The following ASCC3 variants were observed in gnomAD, a reference collection of about 807,000 sequenced individuals.
ASCC3 encodes the protein activating signal cointegrator 1 complex subunit 3.
ASCC3 carries 158 observed loss-of-function variants against 256.3 expected under a neutral mutation model. The ratio of observed to expected loss-of-function variants is 0.62; its 90% confidence interval spans 0.54 to 0.70. The LOEUF is 0.70. Among genes scored for constraint, ASCC3 ranks in the 30% least tolerant of loss-of-function variants. The probability of loss-of-function intolerance (pLI) is 0.00; values close to 1 mark genes in which losing one functional copy is unlikely to be tolerated. For missense variants in ASCC3, 2,259 were observed against 2,626.0 expected, an observed-to-expected ratio of 0.86 and a Z score of 3.05; for synonymous variants, 948 against 883.4, an observed-to-expected ratio of 1.07 and a Z score of -1.30.
intron 30 of ASCC3, among the ~76,000 whole-genome samples, chr6:100,619,164 G>T (rs1427665439): frequency 6.6e-6 from 1 of 152,118 alleles, no homozygotes; most frequent in East Asian, 1.9e-4. Flanking sequence ...CAAGGTGTGT[G>T]GATGTCTTTT....
chr6:100,540,863 C>A (rs1158458632), intron 36 of ASCC3, among the ~76,000 whole-genome samples: 1 of 151,966 alleles, frequency 6.6e-6, no homozygotes, highest in Non-Finnish European at 1.5e-5. Context: ...AGAAATAAGA[C>A]AGGGCTGGAG....
chr6:100,794,976 T>C (rs1045205081), intron 8 of ASCC3, among the ~76,000 whole-genome samples: 1 of 152,076 alleles, frequency 6.6e-6, no homozygotes. Context: ...AGGGTAATAA[T>C]AGCACTCTCC....
intron 10 of ASCC3, among the ~76,000 whole-genome samples, chr6:100,752,158 C>T (rs191122035): frequency 2.6e-5 from 4 of 152,168 alleles, no homozygotes; most frequent in Admixed American, 2.6e-4. Context: ...TGCATTATTG[C>T]ATCAGTATTA....
At chr6:100,674,736 G>A (rs1480003589) in intron 14 of ASCC3, among the ~76,000 whole-genome samples, 2 of 150,924 alleles carry the variant, frequency 1.3e-5, no homozygotes, top group East Asian at 3.9e-4. Context: ...AAGTTCAAGC[G>A]ATTCTCCTGC....
chr6:100,785,906 A>G (rs1475403433), intron 8 of ASCC3, among the ~76,000 whole-genome samples: 1 of 152,174 alleles, frequency 6.6e-6, no homozygotes, highest in African/African-American at 2.4e-5. Context: ...TGAAGACACA[A>G]CACAGGAGAG....
At chr6:100,754,917 A>G (rs1781105041) in intron 10 of ASCC3, among the ~76,000 whole-genome samples, 1 of 152,124 alleles carries the variant, frequency 6.6e-6, no homozygotes, top group Non-Finnish European at 1.5e-5. Context: ...GCCTGCTGCC[A>G]TGTAAGACAT....
chr6:100,652,525 T>C (rs1349429348), intron 18 of ASCC3, among the ~76,000 whole-genome samples, 200 bp downstream of exon 18: 2 of 152,142 alleles, frequency 1.3e-5, no homozygotes, highest in South Asian at 2.1e-4. Context: ...GATACACTCA[T>C]TGAATAGGAT....
intron 4 of ASCC3, among the ~76,000 whole-genome samples, chr6:100,839,773 C>T (rs1772050215): frequency 6.6e-6 from 1 of 152,164 alleles, no homozygotes; most frequent in Admixed American, 6.5e-5. Context: ...TTGGACCACC[C>T]TTCTTCCATA....
At chr6:100,776,915 C>T (rs1270407662) in intron 8 of ASCC3, among the ~76,000 whole-genome samples, 2 of 151,954 alleles carry the variant, frequency 1.3e-5, no homozygotes, top group African/African-American at 4.8e-5. Context: ...CAAGGACATA[C>T]ATTACATAAT....
Position 100,518,104 on chromosome 6 carries a change from C to G in ASCC3, c.5814G>C (p.Val1938=). 5.6e-6 allele frequency: 9 copies of G among 1,613,614 alleles called. No individual in the cohort carries two copies. The highest frequency in any genetic ancestry group is 6.8e-6 in the Non-Finnish European group (8 of 1,179,700). The stretch of plus-strand genomic sequence containing the variant: ...TCAGGTTGGTGATATTCAGGACAGT[C>G]ACCAGCCAGCCCTGGTTTGCAGCCA... ...LDVAANQGWL[V]TVLNITNLIQ... is the part of the protein sequence containing the mutation. The change falls in exon 38 of 42, where the codon GTG becomes GTC. Residue 1938 remains valine (V), a synonymous_variant. Transcript: ENST00000369162.
At chr6:100,734,334 A>T (rs995409342) in intron 10 of ASCC3, among the ~76,000 whole-genome samples, 4 of 152,174 alleles carry the variant, frequency 2.6e-5, no homozygotes, top group African/African-American at 9.6e-5. Context: ...TTTTGATACG[A>T]CATAAATATC....
chr6:100,612,341 C>CGATATATTG (rs1773443957), intron 30 of ASCC3, among the ~76,000 whole-genome samples: 1 of 151,894 alleles, frequency 6.6e-6, no homozygotes, highest in Non-Finnish European at 1.5e-5. Flanking sequence ...CAATTCTGTC[C>CGATATATTG]TTTTGAATGT....
intron 3 of ASCC3, 147 bp downstream of exon 3, chr6:100,863,917 C>A: frequency 1.3e-6 from 1 of 761,242 alleles, no homozygotes; most frequent in South Asian, 2.1e-5. Context: ...GCCACCGCGC[C>A]TGGCCAGGAC....
At chr6:100,844,986 C>G (rs1772321066) in intron 4 of ASCC3, among the ~76,000 whole-genome samples, 1 of 152,058 alleles carries the variant, frequency 6.6e-6, no homozygotes, top group African/African-American at 2.4e-5. Context: ...AAAGTTTCAT[C>G]CTTTTATTTC....
chr6:100,536,211 T>C (rs1371300984), intron 37 of ASCC3, among the ~76,000 whole-genome samples: 1 of 152,172 alleles, frequency 6.6e-6, no homozygotes, highest in African/African-American at 2.4e-5. Context: ...AATAAATATA[T>C]CTTTATTAAC....
intron 34 of ASCC3, among the ~76,000 whole-genome samples, chr6:100,596,519 T>C (rs1316316268): frequency 2.0e-5 from 3 of 152,208 alleles, no homozygotes; most frequent in African/African-American, 7.2e-5. Flanking sequence ...CATAACTTTC[T>C]AGTGATTGTG....
chr6:100,769,268 TA>T (rs1781805645), intron 8 of ASCC3, among the ~76,000 whole-genome samples: 1 of 151,954 alleles, frequency 6.6e-6, no homozygotes, highest in Admixed American at 6.6e-5. Flanking sequence ...AGTTCAAAGT[TA>T]TAGTTAGACA....
intron 14 of ASCC3, among the ~76,000 whole-genome samples, chr6:100,667,332 AGT>A (rs1334152887): frequency 2.0e-5 from 3 of 152,186 alleles, no homozygotes; most frequent in Non-Finnish European, 4.4e-5. Flanking sequence ...GAGCACACAC[AGT>A]GTGTTTGGAG....
intron 17 of ASCC3, among the ~76,000 whole-genome samples, chr6:100,654,389 A>G (rs1423314689): frequency 6.6e-6 from 1 of 152,062 alleles, no homozygotes; most frequent in Non-Finnish European, 1.5e-5. Context: ...TGAAAGGCAA[A>G]TGACTTTTGA....
Sources: gnomAD v4.1 joint callset for allele counts (sites outside exome capture counted in the v4.1 genomes callset) on GRCh38, gnomAD v4.1.1 for gene constraint, MANE v1.5 for transcripts, NCBI Gene and HGNC (gene_info 2026-07-23, HGNC 2026-07-21) for gene names.